PPP1R9A: variants seen among roughly 807,000 people sequenced by gnomAD.
PPP1R9A encodes the protein protein phosphatase 1 regulatory subunit 9A, also known as neurabin-1.
In PPP1R9A, 59 loss-of-function variants were observed where a neutral mutation model predicts 141.9. The observed-to-expected ratio is 0.42, with a 90% CI of 0.34 to 0.52. PPP1R9A has a LOEUF of 0.52. PPP1R9A is among the 20% of genes least tolerant of loss of function. The pLI is 0.10. For synonymous variants in PPP1R9A, 500 were observed against 569.7 expected, an observed-to-expected ratio of 0.88 and a Z score of 1.74; for missense variants, 1,444 against 1,611.9, an observed-to-expected ratio of 0.90 and a Z score of 1.78.
intron 7 of PPP1R9A, among the ~76,000 whole-genome samples, chr7:95,216,392 G>A (rs1020611154): frequency 2.0e-5 from 3 of 152,164 alleles, no homozygotes; most frequent in Middle Eastern, 3.2e-3. Flanking sequence ...TTTGAAGTCA[G>A]GTAGCATGAT....
chr7:95,237,344 C>T (rs998570707), intron 8 of PPP1R9A, among the ~76,000 whole-genome samples: 6 of 151,374 alleles, frequency 4.0e-5, no homozygotes, highest in Admixed American at 6.6e-5. Context: ...TACAAGTATG[C>T]GCCACCACAC....
At chr7:95,225,421 T>A (rs1255058022) in intron 7 of PPP1R9A, among the ~76,000 whole-genome samples, 1 of 152,162 alleles carries the variant, frequency 6.6e-6, no homozygotes, top group Non-Finnish European at 1.5e-5. Flanking sequence ...GTTAGAAACC[T>A]TTGGTTTATT....
At chr7:95,248,772 T>C (rs1798487182) in intron 9 of PPP1R9A, among the ~76,000 whole-genome samples, 1 of 152,208 alleles carries the variant, frequency 6.6e-6, no homozygotes, top group African/African-American at 2.4e-5. Flanking sequence ...ATTAGCACTT[T>C]ATTATGATTC....
intron 9 of PPP1R9A, among the ~76,000 whole-genome samples, chr7:95,248,140 T>C (rs1798374190): frequency 2.0e-5 from 3 of 150,880 alleles, no homozygotes; most frequent in South Asian, 4.2e-4. Flanking sequence ...TGAGACACAA[T>C]TCTAGCAATT....
rs950230891 is a variant in PPP1R9A at position 95,087,914 on chromosome 7, A to G, written c.1396-23345A>G. ...CATCTCAAAAAAAAGAGAGAGAGAA[A>G]AAAAAAAAAAGGAATCATGAAAGGG... On this transcript the variant is annotated intron_variant, in intron 2 of 19. Transcript: ENST00000433360. Among the ~76,000 whole-genome samples the G allele has an allele frequency of 4.0e-5, 6 of 151,818 alleles. 1 individual carries two copies. Among genetic ancestry groups the G allele is most frequent in the African/African-American group, 1.5e-4 (6 of 41,274 alleles).
intron 2 of PPP1R9A, among the ~76,000 whole-genome samples, chr7:95,060,589 G>A (rs1812099505): frequency 6.6e-6 from 1 of 152,154 alleles, no homozygotes; most frequent in Non-Finnish European, 1.5e-5. Context: ...TGGTTAGTTA[G>A]ATAGCACAGT....
chr7:95,265,363 A>T (rs997917095), intron 12 of PPP1R9A, among the ~76,000 whole-genome samples: 2 of 152,216 alleles, frequency 1.3e-5, no homozygotes, highest in African/African-American at 4.8e-5. Flanking sequence ...GCAAGTTAAT[A>T]CACAAATTGA....
intron 2 of PPP1R9A, among the ~76,000 whole-genome samples, chr7:95,091,188 A>G (rs1817295672): frequency 6.6e-6 from 1 of 151,832 alleles, no homozygotes. Context: ...ATTTCTGTAT[A>G]TCTGTGATTT....
intron 2 of PPP1R9A, among the ~76,000 whole-genome samples, chr7:94,938,274 A>G (rs1377493448): frequency 2.0e-5 from 3 of 152,090 alleles, no homozygotes; most frequent in Non-Finnish European, 4.4e-5. Context: ...GAGACCTGAA[A>G]CTATCACCTG....
chr7:95,059,203 G>A (rs1166182106), intron 2 of PPP1R9A, among the ~76,000 whole-genome samples: 1 of 151,930 alleles, frequency 6.6e-6, no homozygotes, highest in African/African-American at 2.4e-5. Context: ...ACTTTTGTAG[G>A]TATTATAATT....
rs1806566085 is a variant in PPP1R9A at position 95,292,951 on chromosome 7, T to C, written c.*2648T>C. ...ACTTTAATGCTAGTGGTTTTCAGTG[T>C]CCTTACAATTTAACACAGAATTGTT... On this transcript the variant is annotated 3_prime_UTR_variant, in exon 20 of 20. Transcript: ENST00000433360. 6.6e-6 allele frequency: 1 copy of C among 152,220 alleles called. No homozygotes were observed. The highest frequency in any genetic ancestry group is 6.5e-5 in the Admixed American group (1 of 15,278). The allele number at this position is 152,220 out of a possible 1,614,324, so 9.4% of individuals were successfully genotyped here.
intron 2 of PPP1R9A, among the ~76,000 whole-genome samples, chr7:95,030,042 C>T (rs749461677): frequency 1.3e-4 from 20 of 152,172 alleles, no homozygotes; most frequent in Non-Finnish European, 2.8e-4. Flanking sequence ...TATATCTCAT[C>T]GCTAACTCTA....
At chr7:95,176,643 A>C (rs1832947928) in intron 5 of PPP1R9A, 1 of 152,178 alleles carries the variant, frequency 6.6e-6, no homozygotes, top group African/African-American at 2.4e-5. Context: ...GAAGGGAGAA[A>C]CATTCAATGA....
intron 2 of PPP1R9A, among the ~76,000 whole-genome samples, chr7:94,919,803 T>A (rs10231947): frequency 0.41 from 61,979 of 151,936 alleles, 13,693 homozygotes; most frequent in South Asian, 0.58. Flanking sequence ...TATATTACTA[T>A]TAAATATCAT....
At chr7:94,995,799 C>T (rs1802096769) in intron 2 of PPP1R9A, among the ~76,000 whole-genome samples, 1 of 152,058 alleles carries the variant, frequency 6.6e-6, no homozygotes, top group South Asian at 2.1e-4. Context: ...TTTTTCTCAG[C>T]ATTATTGTTC....
intron 2 of PPP1R9A, among the ~76,000 whole-genome samples, chr7:95,025,029 C>T (rs182255687): frequency 2.6e-5 from 4 of 151,958 alleles, no homozygotes; most frequent in Non-Finnish European, 4.4e-5. Flanking sequence ...TTCTCCTTTG[C>T]GTATGAAGCT....
At chr7:95,249,852 G>A (rs1003755867) in intron 9 of PPP1R9A, among the ~76,000 whole-genome samples, 174 bp from the exon 10 acceptor site, 2 of 151,996 alleles carry the variant, frequency 1.3e-5, no homozygotes, top group Admixed American at 1.3e-4. Flanking sequence ...ACTTTTCAAG[G>A]CTTCCATTTT....
intron 4 of PPP1R9A, among the ~76,000 whole-genome samples, chr7:95,152,761 A>T (rs886117712): frequency 1.3e-5 from 2 of 151,684 alleles, no homozygotes; most frequent in Admixed American, 1.3e-4. Context: ...TCTCTGGTGG[A>T]TAGGAACTTG....
chr7:95,183,145 CTT>C (rs111837644), intron 5 of PPP1R9A, among the ~76,000 whole-genome samples: 1 of 147,442 alleles, frequency 6.8e-6, no homozygotes. Flanking sequence ...AATACTCTTT[CTT>C]TTTTTTTTGA....
Sources: allele counts gnomAD v4.1 joint callset (sites outside exome capture counted in the v4.1 genomes callset), GRCh38; gene constraint gnomAD v4.1.1; transcripts MANE v1.5; gene names NCBI Gene and HGNC (gene_info 2026-07-23, HGNC 2026-07-21).